The following IQCB1 variants were observed in gnomAD, a reference collection of about 807,000 sequenced individuals.
IQCB1 encodes IQ motif containing B1.
A neutral mutation model predicts 84.4 loss-of-function variants in IQCB1; 56 were observed. The observed-to-expected ratio is 0.66, with a 90% CI of 0.54 to 0.83. The LOEUF (loss-of-function observed/expected upper bound fraction) is 0.83. Among genes scored for constraint, IQCB1 ranks in the 40% least tolerant of loss-of-function variants. IQCB1 has a pLI of 0.00. For missense variants in IQCB1, 629 were observed against 682.1 expected, an observed-to-expected ratio of 0.92 and a Z score of 0.87; for synonymous variants, 210 against 234.8, an observed-to-expected ratio of 0.89 and a Z score of 0.96.
chr3:121,805,330 T>C (rs946338978), intron 7 of IQCB1, among the ~76,000 whole-genome samples: 2 of 151,550 alleles, frequency 1.3e-5, no homozygotes, highest in Non-Finnish European at 2.9e-5. Context: ...CTGCAAGAAA[T>C]AGTCATTTTA....
chr3:121,834,084 T>C (rs1337602745), intron 2 of IQCB1: 1 of 152,244 alleles, frequency 6.6e-6, no homozygotes. Flanking sequence ...AGAGCCACCA[T>C]CTGCCTTAAA....
intron 2 of IQCB1, among the ~76,000 whole-genome samples, chr3:121,833,041 T>C (rs1395428866): frequency 6.6e-6 from 1 of 152,228 alleles, no homozygotes; most frequent in East Asian, 1.9e-4. Context: ...ACAACATAGT[T>C]CATTTTAATA....
At chr3:121,827,855 C>T (rs1950511009) in intron 4 of IQCB1, among the ~76,000 whole-genome samples, 1 of 152,182 alleles carries the variant, frequency 6.6e-6, no homozygotes, top group African/African-American at 2.4e-5. Context: ...GTAGCTTAGG[C>T]ACTAAGAACA....
intron 12 of IQCB1, among the ~76,000 whole-genome samples, chr3:121,784,407 T>C (rs1948628293): frequency 1.3e-5 from 2 of 152,100 alleles, no homozygotes; most frequent in Non-Finnish European, 2.9e-5. Context: ...TATTAGTCTT[T>C]CAGTTTTCCC....
At chr3:121,823,994 A>G (rs967540348) in intron 5 of IQCB1, among the ~76,000 whole-genome samples, 3 of 152,230 alleles carry the variant, frequency 2.0e-5, no homozygotes, top group Non-Finnish European at 4.4e-5. Flanking sequence ...CCATAGCACA[A>G]ATTAGATTAA....
chr3:121,778,725 G>A (rs1006316192), intron 13 of IQCB1, among the ~76,000 whole-genome samples: 2 of 151,868 alleles, frequency 1.3e-5, no homozygotes, highest in African/African-American at 2.4e-5. Context: ...GGTAAACATG[G>A]TGAAACCCCA....
At chr3:121,792,841 T>A (rs986583048) in intron 10 of IQCB1, among the ~76,000 whole-genome samples, 20 of 152,176 alleles carry the variant, frequency 1.3e-4, no homozygotes, top group African/African-American at 4.3e-4. Flanking sequence ...GTTATTTTGT[T>A]CAGAGTTTCT....
chr3:121,783,827 T>C (rs901288970), intron 12 of IQCB1, among the ~76,000 whole-genome samples: 1 of 152,208 alleles, frequency 6.6e-6, no homozygotes, highest in Non-Finnish European at 1.5e-5. Context: ...TTATTCCCTC[T>C]TATCTAAAAA....
chr3:121,823,223 A>C (rs1292004526), intron 5 of IQCB1, among the ~76,000 whole-genome samples: 1 of 152,120 alleles, frequency 6.6e-6, no homozygotes, highest in Non-Finnish European at 1.5e-5. Context: ...GGATGAAGGC[A>C]GCCTCAACAA....
chr3:121,799,301 T>A lies in IQCB1; in HGVS notation c.661A>T (p.Thr221Ser), dbSNP rs1949318489. 2 of 1,606,680 alleles carry A rather than the reference T, an allele frequency of 1.2e-6. No homozygotes were observed. Among genetic ancestry groups the A allele is most frequent in the African/African-American group, 2.7e-5 (2 of 74,552 alleles). Residue 221 changes from threonine to serine, a missense_variant, in exon 8 of 15, where the codon ACT becomes TCT. Thr to Ser is a moderately conservative substitution (Grantham distance 58). Transcript: ENST00000310864. ...LDEVIFKLFS[T>S]PSPVIRSTAT... is the part of the protein sequence containing the mutation. ...GTACTTCTTATAACTGGACTAGGAG[T>A]TGAAAAAAGCTTGAAAATAACTTCA...
At chr3:121,817,889 T>C (rs572546243) in intron 5 of IQCB1, among the ~76,000 whole-genome samples, 1 of 152,078 alleles carries the variant, frequency 6.6e-6, no homozygotes, top group African/African-American at 2.4e-5. Flanking sequence ...TCCCTCTCCC[T>C]CTCCACACAA....
intron 14 of IQCB1, 31 bp from the exon 15 acceptor site, chr3:121,770,605 A>C (rs759616115): frequency 6.5e-7 from 1 of 1,546,290 alleles, no homozygotes; most frequent in Non-Finnish European, 8.9e-7. Flanking sequence ...ACAGATGAGC[A>C]GAAGAGTCCT....
intron 10 of IQCB1, among the ~76,000 whole-genome samples, chr3:121,792,102 C>CA (rs1949002104): frequency 6.6e-6 from 1 of 151,866 alleles, no homozygotes; most frequent in African/African-American, 2.4e-5. Context: ...ACAACAACGA[C>CA]AAAAAACTAC....
intron 10 of IQCB1, among the ~76,000 whole-genome samples, chr3:121,791,732 C>T (rs190813878): frequency 6.6e-6 from 1 of 152,114 alleles, no homozygotes; most frequent in African/African-American, 2.4e-5. Context: ...TATCTCTTAC[C>T]CATTCATAGA....
At chr3:121,793,492 A>G (rs187156239) in intron 10 of IQCB1, among the ~76,000 whole-genome samples, 1 of 152,302 alleles carries the variant, frequency 6.6e-6, no homozygotes, top group African/African-American at 2.4e-5. Flanking sequence ...TAACCTTTGA[A>G]AAAAAACCAA....
Position 121,770,043 on chromosome 3 carries a change from T to C in IQCB1, c.*302A>G, listed in dbSNP as rs1947903142. The C allele has an allele frequency of 4.4e-6, 1 of 225,730 alleles. No homozygotes were observed. The highest frequency in any genetic ancestry group is 2.3e-5 in the African/African-American group (1 of 43,946). 14.0% of individuals were successfully genotyped at this position (225,730 alleles called of 1,614,324 possible). A position where few individuals can be genotyped will look rare whatever the true frequency, so the allele number is the denominator to read the frequency against. Reference sequence around the variant, plus strand: ...ATTTATTTAGAAAAAAATATTTAGTTGGAAAACAGAAGAAACCAAAGAAAA... The same window carrying C: ...ATTTATTTAGAAAAAAATATTTAGTCGGAAAACAGAAGAAACCAAAGAAAA... On this transcript the variant is annotated 3_prime_UTR_variant, in exon 15 of 15. Coordinates refer to ENST00000310864, the MANE Select transcript of IQCB1 (RefSeq NM_001023570.4).
intron 14 of IQCB1, 34 bp from the exon 15 acceptor site, chr3:121,770,608 A>G (rs765679267): frequency 6.5e-7 from 1 of 1,532,740 alleles, no homozygotes; most frequent in Admixed American, 1.7e-5. Flanking sequence ...GATGAGCAGA[A>G]GAGTCCTATG....
intron 7 of IQCB1, among the ~76,000 whole-genome samples, 189 bp downstream of exon 7, chr3:121,807,155 G>C (rs540823664): frequency 1.2e-5 from 1 of 80,644 alleles, no homozygotes; most frequent in African/African-American, 5.2e-5. Flanking sequence ...AATGGTGATG[G>C]AACTTCAGCA....
chr3:121,824,583 T>C (rs754342235), intron 5 of IQCB1, among the ~76,000 whole-genome samples: 3 of 151,698 alleles, frequency 2.0e-5, no homozygotes, highest in Non-Finnish European at 4.4e-5. Flanking sequence ...ATAAATATCA[T>C]TTCATGTGAC....
Sources: gnomAD v4.1 joint callset for allele counts (sites outside exome capture counted in the v4.1 genomes callset) on GRCh38, gnomAD v4.1.1 for gene constraint, MANE v1.5 for transcripts, NCBI Gene and HGNC (gene_info 2026-07-23, HGNC 2026-07-21) for gene names.